Variants in WDR89 observed in about 807,000 individuals in gnomAD.
WDR89 encodes WD repeat-containing protein 89.
A neutral mutation model predicts 29.1 loss-of-function variants in WDR89; 17 were observed. That is an observed-to-expected ratio of 0.58 (90% CI 0.40 to 0.88). The LOEUF (loss-of-function observed/expected upper bound fraction) is 0.88. Ranked by LOEUF, WDR89 falls within the 40% of genes least tolerant of loss-of-function variation. The probability of loss-of-function intolerance (pLI) is 0.00; values close to 1 mark genes in which losing one functional copy is unlikely to be tolerated. For missense variants in WDR89, 396 were observed against 456.3 expected, an observed-to-expected ratio of 0.87 and a Z score of 1.20; for synonymous variants, 138 against 157.8, an observed-to-expected ratio of 0.87 and a Z score of 0.94.
chr14:63,621,472 C>T (rs1882690923), intron 2 of WDR89, among the ~76,000 whole-genome samples: 2 of 152,030 alleles, frequency 1.3e-5, no homozygotes, highest in South Asian at 2.1e-4. Context: ...GTGGCAGGCA[C>T]CTGTAATCCC....
At position 63,599,860 on chromosome 14, in the gene WDR89, C is replaced by T; in HGVS notation, c.83G>A (p.Gly28Asp). Residue 28 changes from glycine to aspartate, a missense_variant, in exon 3 of 3, where the codon GGT becomes GAT. Gly to Asp is a moderately conservative substitution (Grantham distance 94, BLOSUM62 -1). Coordinates refer to ENST00000620954, the MANE Select transcript of WDR89 (RefSeq NM_080666.4). ...TTGGACAGTCTTTGATGTGTCTATA[C>T]CAAGAAGGTAAGTGGGCTCTTTGGT... is the stretch of plus-strand genomic sequence containing the variant. ...LGTKEPTYLL[G>D]IDTSKTVQAG... is the part of the protein sequence containing the mutation. 1 of 1,614,044 alleles carries T rather than the reference C, an allele frequency of 6.2e-7. No homozygotes were observed. The highest frequency in any genetic ancestry group is 8.5e-7 in the Non-Finnish European group (1 of 1,180,008).
At chr14:63,613,827 T>C (rs1005496026) in intron 2 of WDR89, among the ~76,000 whole-genome samples, 1 of 150,134 alleles carries the variant, frequency 6.7e-6, no homozygotes, top group Admixed American at 6.6e-5. Flanking sequence ...ACATCTTTTT[T>C]TTTTTTTTTT....
intron 1 of WDR89, among the ~76,000 whole-genome samples, chr14:63,626,676 CAAAAAAAA>C (rs35582220): frequency 1.2e-4 from 4 of 34,544 alleles, no homozygotes; most frequent in East Asian, 1.5e-3. Flanking sequence ...GAGACTGTCT[CAAAAAAAA>C]AAAAAAAAAA....
chr14:63,597,122 C>G lies in WDR89; in HGVS notation c.*1657G>C, dbSNP rs991510718. On this transcript the variant is annotated 3_prime_UTR_variant, in exon 3 of 3. Transcript: ENST00000620954. Reference sequence around the variant, plus strand: ...CAAGAAACTTACAATCATGGGGGAACGCAAAGGGGAAGCAAAGCACCTTCT... The same window carrying G: ...CAAGAAACTTACAATCATGGGGGAAGGCAAAGGGGAAGCAAAGCACCTTCT... 6.6e-6 allele frequency: 1 copy of G among 152,164 alleles called. No individual in the cohort carries two copies. Among genetic ancestry groups the G allele is most frequent in the Non-Finnish European group, 1.5e-5 (1 of 68,052 alleles). 9.4% of individuals were successfully genotyped at this position (152,164 alleles called of 1,614,324 possible).
Position 63,620,571 on chromosome 14 carries a change from A to T in WDR89, c.-32+4357T>A, listed in dbSNP as rs374668408. Among the ~76,000 whole-genome samples the T allele has an allele frequency of 3.3e-5, 5 of 152,026 alleles. No homozygotes were observed. In the East Asian group the frequency reaches 7.7e-4, roughly 23 times the overall value. Reference sequence around the variant, plus strand: ...TAATATGGTGACTACAGTTAGTAACAATGTACTGTACATTTGAAAATTGCT... The same window carrying T: ...TAATATGGTGACTACAGTTAGTAACTATGTACTGTACATTTGAAAATTGCT... On this transcript the variant is annotated intron_variant, in intron 2 of 2. Transcript: ENST00000620954.
Position 63,640,538 on chromosome 14 carries a change from GAGTACAGT to G in WDR89, c.-138+1258_-138+1265del, listed in dbSNP as rs1884039689. Among the ~76,000 whole-genome samples the G allele has an allele frequency of 2.0e-5, 3 of 150,230 alleles. No homozygotes were observed. In the South Asian group the frequency reaches 6.3e-4, roughly 32 times the overall value. On this transcript the variant is annotated intron_variant, in intron 1 of 2. Coordinates refer to ENST00000620954, the MANE Select transcript of WDR89 (RefSeq NM_080666.4). ...TTGTCTCACTCTGTCGCCCAGGCTG[GAGTACAGT>G]AGCACGATCTTGGCTCACTGCAACC...
intron 1 of WDR89, among the ~76,000 whole-genome samples, chr14:63,631,287 A>G (rs1883382840): frequency 6.6e-6 from 1 of 152,202 alleles, no homozygotes; most frequent in South Asian, 2.1e-4. Flanking sequence ...AGGAATGGAG[A>G]AAAAAGGCGA....
At position 63,626,414 on chromosome 14, in the gene WDR89, T is replaced by C. The variant is rs1003713166; in HGVS notation, c.-137-1381A>G. Among the ~76,000 whole-genome samples, 4 of 151,898 alleles carry C rather than the reference T, an allele frequency of 2.6e-5. No homozygotes were observed. The East Asian group carries it at 7.8e-4, about 29-fold the overall frequency. ...AGCCGGGCGTGGTGCCTAATGCCTG[T>C]AATCCCAGCGCTTTGGGAGGCCAAG... is the stretch of plus-strand genomic sequence containing the variant. On this transcript the variant is annotated intron_variant, in intron 1 of 2. Transcript: ENST00000620954.
At chr14:63,626,463 G>A (rs1883055436) in intron 1 of WDR89, among the ~76,000 whole-genome samples, 1 of 151,668 alleles carries the variant, frequency 6.6e-6, no homozygotes. Flanking sequence ...GATCACATGA[G>A]CTCAAGAGTT....
At chr14:63,627,144 A>ACTCTCTCTCT (rs1471637626) in intron 1 of WDR89, among the ~76,000 whole-genome samples, 12 of 131,562 alleles carry the variant, frequency 9.1e-5, no homozygotes, top group South Asian at 8.4e-4. Flanking sequence ...ACACACACAC[A>ACTCTCTCTCT]CACACACTCT....
chr14:63,627,146 ACACACTCTCT>A (rs1403395682), intron 1 of WDR89, among the ~76,000 whole-genome samples: 153 of 130,570 alleles, frequency 1.2e-3, no homozygotes, highest in African/African-American at 4.5e-3. Flanking sequence ...ACACACACAC[ACACACTCTCT>A]CTCTCTCTCT....
chr14:63,626,627 C>T (rs1480456242), intron 1 of WDR89, among the ~76,000 whole-genome samples: 1 of 117,558 alleles, frequency 8.5e-6, no homozygotes, highest in Non-Finnish European at 1.6e-5. Flanking sequence ...TGCAGTGAGC[C>T]AAGATCACAC....
chr14:63,612,648 G>A (rs1595023997), intron 2 of WDR89, among the ~76,000 whole-genome samples: 1 of 152,100 alleles, frequency 6.6e-6, no homozygotes, highest in East Asian at 1.9e-4. Flanking sequence ...GTGCCCCAAA[G>A]TGTTGTAATC....
At chr14:63,620,173 C>T (rs777856118) in intron 2 of WDR89, among the ~76,000 whole-genome samples, 7 of 151,926 alleles carry the variant, frequency 4.6e-5, no homozygotes, top group South Asian at 2.1e-4. Context: ...AAAAATTAGC[C>T]GAGCGTGGTG....
intron 1 of WDR89, among the ~76,000 whole-genome samples, chr14:63,625,966 T>G (rs1037750487): frequency 5.9e-5 from 9 of 151,798 alleles, no homozygotes; most frequent in East Asian, 3.9e-4. Flanking sequence ...CGATTCTCCT[T>G]CCTCAGCCTC....
At chr14:63,634,047 A>G (rs889339848) in intron 1 of WDR89, among the ~76,000 whole-genome samples, 4 of 152,258 alleles carry the variant, frequency 2.6e-5, no homozygotes, top group African/African-American at 9.6e-5. Flanking sequence ...TCATCAGGAC[A>G]TAATTCCAAT....
At chr14:63,638,466 AAC>A (rs1385280846) in intron 1 of WDR89, among the ~76,000 whole-genome samples, 48 of 152,354 alleles carry the variant, frequency 3.2e-4, no homozygotes, top group African/African-American at 1.1e-3. Flanking sequence ...CTACAGAATA[AAC>A]AGTCTTTTCT....
At chr14:63,600,294 G>T (rs769420830) in intron 2 of WDR89, among the ~76,000 whole-genome samples, 1 of 151,856 alleles carries the variant, frequency 6.6e-6, no homozygotes, top group Admixed American at 6.6e-5. Context: ...AGGCATTAGA[G>T]ACCAGCCTGA....
intron 1 of WDR89, among the ~76,000 whole-genome samples, chr14:63,637,598 A>G (rs1288914098): frequency 2.0e-5 from 3 of 152,142 alleles, no homozygotes; most frequent in Non-Finnish European, 4.4e-5. Context: ...ATATGTGTAT[A>G]TATATAATGG....
Sources: gnomAD v4.1 joint callset for allele counts (sites outside exome capture counted in the v4.1 genomes callset) on GRCh38, gnomAD v4.1.1 for gene constraint, MANE v1.5 for transcripts, NCBI Gene and HGNC (gene_info 2026-07-23, HGNC 2026-07-21) for gene names.